The following RIN3 variants were observed in gnomAD, a reference collection of about 807,000 sequenced individuals.
The protein encoded by RIN3 is RAB5 interacting protein 3.
RIN3 carries 54 observed loss-of-function variants against 76.3 expected under a neutral mutation model. The ratio of observed to expected loss-of-function variants is 0.71; its 90% CI spans 0.57 to 0.89. RIN3 has a LOEUF of 0.89. Among genes scored for constraint, RIN3 ranks in the 40% least tolerant of loss-of-function variants. The pLI, the probability that RIN3 is intolerant of heterozygous loss-of-function variation, is 0.00. For synonymous variants in RIN3, 576 were observed against 564.0 expected (o/e 1.02, Z -0.30); for missense variants, 1,256 against 1,322.1 (o/e 0.95, Z 0.78).
At chr14:92,554,328 G>A (rs1049491371) in intron 1 of RIN3, among the ~76,000 whole-genome samples, 5 of 152,142 alleles carry the variant, frequency 3.3e-5, no homozygotes, top group African/African-American at 1.2e-4. Context: ...CCTTAAACCG[G>A]ACAGAACTGT....
At chr14:92,611,863 C>T (rs1182880362) in intron 3 of RIN3, among the ~76,000 whole-genome samples, 4 of 152,118 alleles carry the variant, frequency 2.6e-5, no homozygotes, top group Non-Finnish European at 5.9e-5. Flanking sequence ...GCAGGCTGTA[C>T]AGGAAGCATG....
intron 1 of RIN3, among the ~76,000 whole-genome samples, chr14:92,517,116 T>C (rs1385148869): frequency 6.6e-6 from 1 of 152,164 alleles, no homozygotes; most frequent in Non-Finnish European, 1.5e-5. Context: ...CCACCTGTCA[T>C]GGCAAGACAT....
intron 4 of RIN3, among the ~76,000 whole-genome samples, chr14:92,632,628 G>A (rs1024075661): frequency 3.3e-5 from 5 of 152,206 alleles, no homozygotes; most frequent in African/African-American, 4.8e-5. Context: ...TGTGTGACCC[G>A]CAAGCCCCAG....
At chr14:92,561,044 A>AAAAATATATATATAT (rs1555383856) in intron 2 of RIN3, among the ~76,000 whole-genome samples, 1 of 24,398 alleles carries the variant, frequency 4.1e-5, no homozygotes, top group Non-Finnish European at 7.9e-5. Flanking sequence ...AAAAAAAAAA[A>AAAAATATATATATAT]ATATATATAT....
intron 1 of RIN3, among the ~76,000 whole-genome samples, chr14:92,540,250 T>C (rs942608746): frequency 3.9e-5 from 6 of 152,192 alleles, no homozygotes; most frequent in African/African-American, 1.4e-4. Context: ...CTTCCCCTGC[T>C]AGAGGCTGTG....
intron 2 of RIN3, among the ~76,000 whole-genome samples, chr14:92,564,711 C>T (rs1304903519): frequency 2.0e-5 from 3 of 152,164 alleles, no homozygotes; most frequent in Non-Finnish European, 1.5e-5. Flanking sequence ...CGAACTCTCA[C>T]AGTGGCAAGA....
At chr14:92,645,178 G>GACCA (rs1887154739) in intron 5 of RIN3, 1 of 152,220 alleles carries the variant, frequency 6.6e-6, no homozygotes, top group Non-Finnish European at 1.5e-5. Context: ...AGCCCCACCT[G>GACCA]ACCACTGTTC....
rs140213148 is a variant in RIN3 at position 92,622,282 on chromosome 14, G to A, written c.440+6803G>A. ...CATCCTCCTGTGGGCTCCAATCTTA[G>A]AGTGTCAGATGTCTCTGACCTTAGG... On this transcript the variant is annotated intron_variant, in intron 4 of 9. Coordinates refer to ENST00000216487, the MANE Select transcript of RIN3 (RefSeq NM_024832.5). 1.3e-3 allele frequency among the ~76,000 whole-genome samples: 199 copies of A among 152,288 alleles called. 1 individual carries two copies. Among genetic ancestry groups the A allele is most frequent in the African/African-American group, 4.5e-3 (185 of 41,552 alleles).
intron 8 of RIN3, among the ~76,000 whole-genome samples, chr14:92,680,837 G>A (rs1888637545): frequency 6.6e-6 from 1 of 152,238 alleles, no homozygotes; most frequent in South Asian, 2.1e-4. Flanking sequence ...GGGCCATGGG[G>A]TCTTACTTTC....
At chr14:92,663,686 G>A (rs555833312) in intron 7 of RIN3, among the ~76,000 whole-genome samples, 3 of 152,198 alleles carry the variant, frequency 2.0e-5, no homozygotes, top group African/African-American at 4.8e-5. Context: ...TCACCTGGGC[G>A]GAATTAGGTT....
At chr14:92,526,388 G>A (rs576733827) in intron 1 of RIN3, among the ~76,000 whole-genome samples, 2 of 152,114 alleles carry the variant, frequency 1.3e-5, no homozygotes, top group African/African-American at 4.8e-5. Flanking sequence ...GAGCTCGGGA[G>A]GCAGAGGTTG....
intron 7 of RIN3, among the ~76,000 whole-genome samples, chr14:92,666,873 G>A (rs1241701194): frequency 6.6e-6 from 1 of 152,190 alleles, no homozygotes; most frequent in Non-Finnish European, 1.5e-5. Flanking sequence ...AGCTCCTTGA[G>A]TAGTCTATGT....
At chr14:92,524,066 C>T (rs1367240823) in intron 1 of RIN3, among the ~76,000 whole-genome samples, 2 of 152,070 alleles carry the variant, frequency 1.3e-5, no homozygotes, top group African/African-American at 4.8e-5. Context: ...TGGTGGTGTG[C>T]ACTTGTAGTC....
intron 3 of RIN3, among the ~76,000 whole-genome samples, chr14:92,584,775 T>C (rs1416535132): frequency 3.9e-5 from 6 of 152,112 alleles, no homozygotes; most frequent in African/African-American, 1.4e-4. Context: ...AGCTACTTTT[T>C]CATTGATGGG....
rs1566887535 is a variant in RIN3, at chr14:92,652,202, G to A, written c.1153G>A (p.Ala385Thr). ...GCCTGCGAAGAAGAACCTTCCCACT[G>A]CCCCTCCCAGACGCCGCGTTTCCGA... ...PLPAKKNLPTAPPRRRVSERV... is the reference protein window; with the variant it reads ...PLPAKKNLPTTPPRRRVSERV... Residue 385 changes from alanine (A) to threonine (T), a missense_variant, in exon 6 of 10, where the codon GCC becomes ACC. Coordinates refer to ENST00000216487, the MANE Select transcript of RIN3 (RefSeq NM_024832.5). This position sits in a 1 kb window ranked among gnomAD's most constrained non-coding sequence, Gnocchi z 6.4. The A allele has an allele frequency of 6.2e-7, 1 of 1,606,148 alleles. No individual in the cohort carries two copies.
At chr14:92,599,627 A>G (rs1885275743) in intron 3 of RIN3, among the ~76,000 whole-genome samples, 1 of 152,134 alleles carries the variant, frequency 6.6e-6, no homozygotes, top group Non-Finnish European at 1.5e-5. Flanking sequence ...TTGACAAGAA[A>G]GATCAAATGG....
intron 5 of RIN3, among the ~76,000 whole-genome samples, chr14:92,645,848 A>G (rs1310946062): frequency 6.6e-6 from 1 of 151,846 alleles, no homozygotes; most frequent in Non-Finnish European, 1.5e-5. Flanking sequence ...CAACCTCAGG[A>G]GGTTGAGGCA....
At chr14:92,560,418 C>T (rs1257470064) in intron 2 of RIN3, among the ~76,000 whole-genome samples, 1 of 152,082 alleles carries the variant, frequency 6.6e-6, no homozygotes, top group Non-Finnish European at 1.5e-5. Flanking sequence ...CCGTGCACCT[C>T]TATATTTTCA....
chr14:92,643,803 C>T lies in RIN3; in HGVS notation c.532+2474C>T, dbSNP rs187230662. The stretch of plus-strand genomic sequence containing the variant: ...ATTAAGTGGGCATAATGGCATGTGC[C>T]TGTAATCCCAGCTACTCCGGAGGCT... On this transcript the variant is annotated intron_variant, in intron 5 of 9. Transcript: ENST00000216487. This position sits in a 1 kb window ranked among gnomAD's most constrained non-coding sequence, Gnocchi z 4.8. Among the ~76,000 whole-genome samples the T allele has an allele frequency of 6.6e-6, 1 of 152,266 alleles. No individual in the cohort carries two copies. Among genetic ancestry groups the T allele is most frequent in the Admixed American group, 6.5e-5 (1 of 15,300 alleles).
Sources: allele counts gnomAD v4.1 joint callset (sites outside exome capture counted in the v4.1 genomes callset), GRCh38; gene constraint gnomAD v4.1.1; non-coding constraint Gnocchi (gnomAD v3.1); transcripts MANE v1.5; gene names NCBI Gene and HGNC (gene_info 2026-07-23, HGNC 2026-07-21).